The following NRG3 variants were observed in gnomAD, a reference collection of about 807,000 sequenced individuals.
The protein encoded by NRG3 is neuregulin 3, also known as pro-neuregulin-3, membrane-bound isoform.
A neutral mutation model predicts 66.9 loss-of-function variants in NRG3; 31 were observed. The ratio of observed to expected loss-of-function variants is 0.46; its 90% CI spans 0.35 to 0.63. The LOEUF is 0.63. Ranked by LOEUF, NRG3 falls within the 20% of genes least tolerant of loss-of-function variation. The pLI, the probability that NRG3 is intolerant of heterozygous loss-of-function variation, is 0.00. For synonymous variants in NRG3, 393 were observed against 359.4 expected, an observed-to-expected ratio of 1.09 and a Z score of -1.06; for missense variants, 910 against 878.9, an observed-to-expected ratio of 1.04 and a Z score of -0.45.
At chr10:82,818,459 A>C (rs1345414509) in intron 3 of NRG3, among the ~76,000 whole-genome samples, 1 of 152,106 alleles carries the variant, frequency 6.6e-6, no homozygotes, top group Non-Finnish European at 1.5e-5. Flanking sequence ...TGGTTTTCTT[A>C]TTTTAGAAAA....
intron 1 of NRG3, among the ~76,000 whole-genome samples, chr10:82,056,397 T>A (rs1418482531): frequency 6.6e-6 from 1 of 152,108 alleles, no homozygotes; most frequent in Non-Finnish European, 1.5e-5. Flanking sequence ...ATAGGAATCT[T>A]TGAAGCTAAA....
intron 1 of NRG3, among the ~76,000 whole-genome samples, chr10:82,150,991 G>A (rs1380742486): frequency 6.6e-6 from 1 of 152,180 alleles, no homozygotes; most frequent in Non-Finnish European, 1.5e-5. Context: ...AAATGACAAA[G>A]CAGTCATGTA....
At chr10:82,098,756 T>C (rs1443318121) in intron 1 of NRG3, among the ~76,000 whole-genome samples, 1 of 152,118 alleles carries the variant, frequency 6.6e-6, no homozygotes, top group Non-Finnish European at 1.5e-5. Flanking sequence ...TTTATTTAGA[T>C]AGCATCTTTT....
chr10:82,130,670 G>C (rs923668441), intron 1 of NRG3, among the ~76,000 whole-genome samples: 1 of 152,040 alleles, frequency 6.6e-6, no homozygotes, highest in Non-Finnish European at 1.5e-5. Flanking sequence ...AAAGTACAAG[G>C]GTTCCCTTTT....
intron 3 of NRG3, among the ~76,000 whole-genome samples, chr10:82,849,279 T>C (rs189969239): frequency 6.6e-6 from 1 of 152,218 alleles, no homozygotes; most frequent in African/African-American, 2.4e-5. Context: ...GAGAGTGACA[T>C]AGGACAGATT....
At chr10:82,567,769 T>A (rs186353358) in intron 2 of NRG3, among the ~76,000 whole-genome samples, 1 of 152,092 alleles carries the variant, frequency 6.6e-6, no homozygotes, top group Non-Finnish European at 1.5e-5. Flanking sequence ...AAATGTCTCT[T>A]CAGAGGTAGT....
At chr10:82,243,173 G>A (rs1187530043) in intron 1 of NRG3, among the ~76,000 whole-genome samples, 1 of 152,134 alleles carries the variant, frequency 6.6e-6, no homozygotes, top group Admixed American at 6.6e-5. Flanking sequence ...AAAGTGATAT[G>A]TTGTCAGAAC....
At chr10:81,999,466 C>T (rs1481559798) in intron 1 of NRG3, among the ~76,000 whole-genome samples, 1 of 152,090 alleles carries the variant, frequency 6.6e-6, no homozygotes, top group Admixed American at 6.5e-5. Context: ...ATGATAATGA[C>T]ATTTTATTAT....
intron 1 of NRG3, among the ~76,000 whole-genome samples, chr10:82,054,661 A>C (rs1325720352): frequency 6.6e-6 from 1 of 152,154 alleles, no homozygotes; most frequent in African/African-American, 2.4e-5. Context: ...AGAAGTGGGG[A>C]GGAACCAGCA....
intron 4 of NRG3, among the ~76,000 whole-genome samples, chr10:82,879,958 CT>C (rs35159008): frequency 0.031 from 2,463 of 78,454 alleles, 5 homozygotes; most frequent in Middle Eastern, 0.052. Context: ...GATTTCATCC[CT>C]TTTTTTTTTT....
intron 2 of NRG3, among the ~76,000 whole-genome samples, chr10:82,476,600 G>A (rs544626518): frequency 6.6e-5 from 10 of 152,116 alleles, no homozygotes; most frequent in Admixed American, 1.3e-4. Flanking sequence ...AAACAAACCT[G>A]TCCAAAAAGG....
chr10:82,260,527 T>C (rs1296581186), intron 1 of NRG3, among the ~76,000 whole-genome samples: 1 of 152,122 alleles, frequency 6.6e-6, no homozygotes, highest in East Asian at 1.9e-4. Flanking sequence ...AATGAATGGG[T>C]CACCAAGAGG....
intron 3 of NRG3, among the ~76,000 whole-genome samples, chr10:82,775,602 A>C (rs1375809494): frequency 2.0e-5 from 3 of 152,106 alleles, no homozygotes; most frequent in Non-Finnish European, 4.4e-5. Flanking sequence ...GGAAACTTTT[A>C]TACATGTCTA....
At chr10:82,106,450 T>A (rs1665903778) in intron 1 of NRG3, among the ~76,000 whole-genome samples, 1 of 152,174 alleles carries the variant, frequency 6.6e-6, no homozygotes. Flanking sequence ...CACCTAAGGT[T>A]AGGCTAGTTG....
chr10:82,956,307 T>G (rs1850045249), intron 5 of NRG3, among the ~76,000 whole-genome samples: 1 of 151,968 alleles, frequency 6.6e-6, no homozygotes, highest in South Asian at 2.1e-4. Flanking sequence ...GCATGCATCT[T>G]TTCTTCCCCA....
intron 2 of NRG3, among the ~76,000 whole-genome samples, chr10:82,402,565 G>T (rs1255808717): frequency 1.3e-5 from 2 of 152,236 alleles, no homozygotes; most frequent in African/African-American, 2.4e-5. Context: ...TACTATGTGA[G>T]AATTTTTTTA....
intron 1 of NRG3, among the ~76,000 whole-genome samples, chr10:82,155,502 T>C (rs369461749): frequency 2.0e-4 from 30 of 151,882 alleles, no homozygotes; most frequent in Middle Eastern, 6.8e-3. Flanking sequence ...GCACTATCCA[T>C]TGGGCCCCAG....
rs183814710 is a variant in NRG3 at position 82,148,506 on chromosome 10, T to G, written c.824-210233T>G. On this transcript the variant is annotated intron_variant, in intron 1 of 8. Transcript: ENST00000372141. Reference sequence around the variant, plus strand: ...TTGCCGTAAGCTTAAATATCTTGTCTTATTTTTTTTTCCTACCTATTTGTC... The same window carrying G: ...TTGCCGTAAGCTTAAATATCTTGTCGTATTTTTTTTTCCTACCTATTTGTC... 2.6e-5 allele frequency among the ~76,000 whole-genome samples: 4 copies of G among 152,156 alleles called. No individual in the cohort carries two copies. The East Asian group carries it at 7.9e-4, about 30-fold the overall frequency.
chr10:82,654,007 G>C (rs891767999), intron 2 of NRG3, among the ~76,000 whole-genome samples: 1 of 152,282 alleles, frequency 6.6e-6, no homozygotes, highest in African/African-American at 2.4e-5. Flanking sequence ...ATTTGTAGCT[G>C]AAAAGTAAGC....
Sources: gnomAD v4.1 joint callset for allele counts (sites outside exome capture counted in the v4.1 genomes callset) on GRCh38, gnomAD v4.1.1 for gene constraint, MANE v1.5 for transcripts, NCBI Gene and HGNC (gene_info 2026-07-23, HGNC 2026-07-21) for gene names.